The following VDAC1 variants were observed in gnomAD, a reference collection of about 807,000 sequenced individuals.
VDAC1 encodes non-selective voltage-gated ion channel VDAC1.
In VDAC1, 10 loss-of-function variants were observed where a neutral mutation model predicts 34.7. The observed-to-expected ratio is 0.29, with a 90% confidence interval of 0.18 to 0.49. The LOEUF is 0.49. VDAC1 is among the 20% of genes least tolerant of loss of function. The probability of loss-of-function intolerance (pLI) is 0.99; values close to 1 mark genes in which losing one functional copy is unlikely to be tolerated. For missense variants in VDAC1, 230 were observed against 347.9 expected (o/e 0.66, Z 2.69); for synonymous variants, 130 against 136.0 (o/e 0.96, Z 0.30).
chr5:134,032,927 G>C, the VDAC1 span, among the ~76,000 whole-genome samples: 6 of 152,104 alleles, frequency 3.9e-5, no homozygotes, highest in African/African-American at 1.4e-4. Flanking sequence ...CAGCTACTCA[G>C]GAGGCTGGGA....
chr5:134,108,218 C>T, the VDAC1 span, among the ~76,000 whole-genome samples: 3 of 151,264 alleles, frequency 2.0e-5, no homozygotes, highest in East Asian at 5.8e-4. Context: ...GAACTGGAAA[C>T]CCGTCCGTCC....
the VDAC1 span, among the ~76,000 whole-genome samples, chr5:134,083,180 C>CT: frequency 3.0e-4 from 43 of 141,174 alleles, 1 homozygote; most frequent in African/African-American, 8.2e-4. Context: ...TTTTCTTTTT[C>CT]TTTTTTTTTC....
chr5:133,981,066 G>A (rs1752679013), intron 5 of VDAC1, 110 bp from the exon 6 acceptor site: 2 of 889,292 alleles, frequency 2.2e-6, no homozygotes. Context: ...GGGTGGGGGT[G>A]AAGTCAGGGC....
At chr5:134,045,770 T>C in the VDAC1 span, among the ~76,000 whole-genome samples, 2 of 151,924 alleles carry the variant, frequency 1.3e-5, no homozygotes, top group Non-Finnish European at 2.9e-5. Context: ...CTGCCTCCTC[T>C]GCTTCCCAGG....
At chr5:133,996,493 G>A (rs567738426) in intron 1 of VDAC1, among the ~76,000 whole-genome samples, 5 of 152,108 alleles carry the variant, frequency 3.3e-5, no homozygotes, top group Non-Finnish European at 2.9e-5. Flanking sequence ...TGTCTTGGGG[G>A]TACACATCCT....
chr5:133,983,549 TA>T (rs895164486), intron 5 of VDAC1, among the ~76,000 whole-genome samples: 20 of 150,288 alleles, frequency 1.3e-4, no homozygotes, highest in East Asian at 3.9e-4. Context: ...GATTTCTCAT[TA>T]AAAAAAAATA....
At chr5:134,071,254 G>A in the VDAC1 span, among the ~76,000 whole-genome samples, 2 of 152,240 alleles carry the variant, frequency 1.3e-5, no homozygotes, top group African/African-American at 2.4e-5. The surrounding 1 kb of genome is among the most constrained non-coding windows in gnomAD (Gnocchi z 4.1). Flanking sequence ...GCCAAGGTGC[G>A]GACGCAGCGG....
At chr5:134,044,006 G>A in the VDAC1 span, among the ~76,000 whole-genome samples, 3 of 152,106 alleles carry the variant, frequency 2.0e-5, no homozygotes, top group Non-Finnish European at 2.9e-5. Flanking sequence ...GCAAAGAGAC[G>A]TTGATCAACC....
At chr5:133,986,635 C>A (rs1752917409) in intron 5 of VDAC1, among the ~76,000 whole-genome samples, 1 of 152,164 alleles carries the variant, frequency 6.6e-6, no homozygotes, top group African/African-American at 2.4e-5. Flanking sequence ...ATCCACCTGC[C>A]TCAGCATTCC....
At chr5:133,981,249 G>A (rs552142299) in intron 5 of VDAC1, among the ~76,000 whole-genome samples, 2 of 152,274 alleles carry the variant, frequency 1.3e-5, no homozygotes, top group Non-Finnish European at 2.9e-5. Context: ...TATGCTTAAC[G>A]TAGCAGCCTA....
At chr5:134,086,856 G>A in the VDAC1 span, among the ~76,000 whole-genome samples, 4 of 152,250 alleles carry the variant, frequency 2.6e-5, no homozygotes, top group East Asian at 7.7e-4. Flanking sequence ...TCTTAATGGT[G>A]AGCACAAGGT....
upstream of VDAC1, among the ~76,000 whole-genome samples, chr5:134,005,925 A>T (rs1285783305): frequency 6.6e-6 from 1 of 152,222 alleles, no homozygotes; most frequent in East Asian, 1.9e-4. Flanking sequence ...GACACTCCTC[A>T]CAGCCAGCTG....
chr5:134,084,401 G>A, the VDAC1 span, among the ~76,000 whole-genome samples: 1 of 152,210 alleles, frequency 6.6e-6, no homozygotes, highest in Admixed American at 6.5e-5. Flanking sequence ...CATGGGGTAA[G>A]GAGTCTCAGA....
chr5:134,018,577 G>A, the VDAC1 span, among the ~76,000 whole-genome samples: 1 of 152,170 alleles, frequency 6.6e-6, no homozygotes, highest in African/African-American at 2.4e-5. Flanking sequence ...TGCCTGTGGA[G>A]TAAATAATTT....
At chr5:134,024,164 G>A in the VDAC1 span, among the ~76,000 whole-genome samples, 1 of 150,974 alleles carries the variant, frequency 6.6e-6, no homozygotes, top group Non-Finnish European at 1.5e-5. Context: ...AAAAAAGAAT[G>A]AAGTGAGCAA....
At chr5:134,083,203 T>C in the VDAC1 span, among the ~76,000 whole-genome samples, 1 of 151,292 alleles carries the variant, frequency 6.6e-6, no homozygotes, top group Admixed American at 6.6e-5. Context: ...TTTTTTTTTT[T>C]TTTGGGATGG....
At chr5:134,044,670 C>T in the VDAC1 span, among the ~76,000 whole-genome samples, 8 of 152,194 alleles carry the variant, frequency 5.3e-5, no homozygotes, top group East Asian at 1.9e-4. Flanking sequence ...TGTGCGCGCG[C>T]GCACAGGTAT....
At chr5:134,013,496 T>G in the VDAC1 span, among the ~76,000 whole-genome samples, 1 of 152,268 alleles carries the variant, frequency 6.6e-6, no homozygotes, top group East Asian at 1.9e-4. Flanking sequence ...TAAGAGCTTC[T>G]GCACAGCAAA....
the VDAC1 span, among the ~76,000 whole-genome samples, chr5:134,064,725 T>C: frequency 1.3e-5 from 2 of 151,444 alleles, no homozygotes; most frequent in Non-Finnish European, 2.9e-5. Context: ...CTTTTTTTTT[T>C]TTCCTTTTTT....
Sources: allele counts gnomAD v4.1 joint callset (sites outside exome capture counted in the v4.1 genomes callset), GRCh38; gene constraint gnomAD v4.1.1; non-coding constraint Gnocchi (gnomAD v3.1); transcripts MANE v1.5; gene names NCBI Gene and HGNC (gene_info 2026-07-23, HGNC 2026-07-21).